RALYL: variants seen among roughly 807,000 people sequenced by gnomAD.
RALYL encodes RNA-binding Raly-like protein.
Under a neutral mutation model 35.1 loss-of-function variants are expected in RALYL, and 29 were observed. The observed-to-expected ratio is 0.83, with a 90% CI of 0.61 to 1.13. The LOEUF is 1.13. Ranked by LOEUF, RALYL falls within the 50% of genes most tolerant of loss-of-function variation. The pLI, the probability that RALYL is intolerant of heterozygous loss-of-function variation, is 0.00. For missense variants in RALYL, 359 were observed against 360.4 expected (o/e 1.00, Z 0.03); for synonymous variants, 120 against 127.6 (o/e 0.94, Z 0.40).
At chr8:84,521,818 C>A (rs940107818) in intron 1 of RALYL, among the ~76,000 whole-genome samples, 4 of 152,022 alleles carry the variant, frequency 2.6e-5, no homozygotes, top group African/African-American at 9.7e-5. Flanking sequence ...ATAGTTGTAA[C>A]ATTATCTACA....
At chr8:84,564,586 T>C (rs2061661786) in intron 2 of RALYL, among the ~76,000 whole-genome samples, 1 of 151,682 alleles carries the variant, frequency 6.6e-6, no homozygotes, top group Admixed American at 6.6e-5. Context: ...TTCCCATTCG[T>C]AGTTTCTAGA....
chr8:84,357,786 T>G (rs1242763131), intron 1 of RALYL, among the ~76,000 whole-genome samples: 1 of 147,906 alleles, frequency 6.8e-6, no homozygotes, highest in Admixed American at 6.8e-5. Context: ...TATTTATATA[T>G]TTATATATAT....
At chr8:84,827,618 C>T (rs1829993769) in intron 4 of RALYL, among the ~76,000 whole-genome samples, 1 of 151,908 alleles carries the variant, frequency 6.6e-6, no homozygotes, top group Non-Finnish European at 1.5e-5. Context: ...AATAACAGTG[C>T]CATTATAACC....
Position 84,887,609 on chromosome 8 carries a change from CAGA to C in RALYL, c.697_699del (p.Lys233del). On this transcript the variant is annotated inframe_deletion, in exon 8 of 9. Transcript: ENST00000521268. ...TTGCTTTCTCCCCCCCCCAGAAGCT[CAGA>C]AGAAGCAATTGGAAGAGAGTCTAGT... 1 of 1,599,402 alleles carries C rather than the reference CAGA, an allele frequency of 6.3e-7. No homozygotes were observed. Among genetic ancestry groups the C allele is most frequent in the African/African-American group, 1.3e-5 (1 of 74,484 alleles).
At chr8:84,888,796 C>A (rs1182880917) in intron 8 of RALYL, among the ~76,000 whole-genome samples, 1 of 152,164 alleles carries the variant, frequency 6.6e-6, no homozygotes, top group Admixed American at 6.5e-5. Context: ...GTCCCCCAGG[C>A]TGGAGTGCAG....
chr8:84,682,488 T>C (rs890338751), intron 2 of RALYL, among the ~76,000 whole-genome samples: 6 of 152,200 alleles, frequency 3.9e-5, no homozygotes, highest in African/African-American at 9.7e-5. Context: ...TTTTGGTTGG[T>C]AGGCTATTAA....
intron 1 of RALYL, among the ~76,000 whole-genome samples, chr8:84,301,198 A>T (rs1840709200): frequency 6.6e-6 from 1 of 152,044 alleles, no homozygotes; most frequent in Non-Finnish European, 1.5e-5. Flanking sequence ...AAGAATGCTG[A>T]ATATAGGCCC....
chr8:84,263,385 T>TA (rs1832671108), intron 1 of RALYL, among the ~76,000 whole-genome samples: 1 of 152,152 alleles, frequency 6.6e-6, no homozygotes. Context: ...GTTACAACAT[T>TA]AAAAAATAGC....
At chr8:84,883,471 G>T (rs1842482403) in intron 7 of RALYL, among the ~76,000 whole-genome samples, 1 of 151,990 alleles carries the variant, frequency 6.6e-6, no homozygotes, top group South Asian at 2.1e-4. Flanking sequence ...AAAGTGAAAG[G>T]CACATCTTAT....
intron 1 of RALYL, among the ~76,000 whole-genome samples, chr8:84,519,390 A>G (rs1315574760): frequency 6.6e-6 from 1 of 152,176 alleles, no homozygotes; most frequent in Admixed American, 6.5e-5. Context: ...GTTTGTAGCT[A>G]TTCTCAACAT....
At chr8:84,263,145 A>C (rs1421089099) in intron 1 of RALYL, among the ~76,000 whole-genome samples, 1 of 152,176 alleles carries the variant, frequency 6.6e-6, no homozygotes, top group Non-Finnish European at 1.5e-5. Flanking sequence ...AGCTATTATT[A>C]ATTGGGAAAA....
At chr8:84,558,590 T>C (rs1404216616) in intron 2 of RALYL, among the ~76,000 whole-genome samples, 1 of 152,182 alleles carries the variant, frequency 6.6e-6, no homozygotes, top group African/African-American at 2.4e-5. Context: ...TTTCTGTTAG[T>C]TTAAATCACT....
intron 2 of RALYL, among the ~76,000 whole-genome samples, chr8:84,684,651 G>GGAA (rs1407594970): frequency 1.1e-4 from 16 of 152,164 alleles, no homozygotes; most frequent in Admixed American, 1.0e-3. Flanking sequence ...ACCTGAGGCT[G>GGAA]GAAAGGTATG....
chr8:84,529,542 G>C lies in RALYL; in HGVS notation c.221G>C (p.Gly74Ala). ...SERHARAAVA[G>A]ENARVIAGQP... is the part of the protein sequence containing the mutation. Reference sequence around the variant, plus strand: ...CGACATGCAAGAGCTGCAGTGGCTGGAGAAAATGCCAGAGTCATCGCCGGC... The same window carrying C: ...CGACATGCAAGAGCTGCAGTGGCTGCAGAAAATGCCAGAGTCATCGCCGGC... The change falls in exon 2 of 9, where the codon GGA becomes GCA. Residue 74 changes from glycine (G) to alanine (A), a missense_variant. By Grantham distance (60) the Gly-to-Ala change is moderately conservative (BLOSUM62 0). Coordinates refer to ENST00000521268, the MANE Select transcript of RALYL (RefSeq NM_173848.7). The C allele has an allele frequency of 6.2e-7, 1 of 1,610,754 alleles. No homozygotes were observed. Among genetic ancestry groups the C allele is most frequent in the Non-Finnish European group, 8.5e-7 (1 of 1,177,138 alleles).
intron 1 of RALYL, among the ~76,000 whole-genome samples, chr8:84,246,698 T>G (rs1363231252): frequency 6.6e-6 from 1 of 152,180 alleles, no homozygotes; most frequent in Middle Eastern, 3.4e-3. Context: ...GAGGACTGAT[T>G]GGTGATGAGG....
intron 4 of RALYL, among the ~76,000 whole-genome samples, chr8:84,846,142 T>G (rs548820711): frequency 1.8e-4 from 28 of 152,300 alleles, no homozygotes; most frequent in Admixed American, 5.2e-4. Context: ...TGTTGTTCCC[T>G]ATGAATTTTC....
chr8:84,902,928 G>GA (rs1845926583), intron 8 of RALYL, among the ~76,000 whole-genome samples: 1 of 152,022 alleles, frequency 6.6e-6, no homozygotes, highest in South Asian at 2.1e-4. Flanking sequence ...AACATTGAAA[G>GA]AAAAAAATTA....
At chr8:84,467,584 AGGTGT>A (rs1162395854) in intron 1 of RALYL, among the ~76,000 whole-genome samples, 12 of 150,428 alleles carry the variant, frequency 8.0e-5, no homozygotes, top group African/African-American at 2.9e-4. Context: ...ATTTTGGAAT[AGGTGT>A]GGTGTGGTGC....
intron 1 of RALYL, among the ~76,000 whole-genome samples, chr8:84,265,781 A>G (rs1398625862): frequency 1.3e-5 from 2 of 152,196 alleles, no homozygotes; most frequent in African/African-American, 2.4e-5. Flanking sequence ...TGATAGTACC[A>G]TCCTTTACCT....
Sources: allele counts gnomAD v4.1 joint callset (sites outside exome capture counted in the v4.1 genomes callset), GRCh38; gene constraint gnomAD v4.1.1; transcripts MANE v1.5; gene names NCBI Gene and HGNC (gene_info 2026-07-23, HGNC 2026-07-21).